The following WAC variants were observed in gnomAD, a reference collection of about 807,000 sequenced individuals.
The protein encoded by WAC is WW domain-containing adapter protein with coiled-coil.
A neutral mutation model predicts 79.6 loss-of-function variants in WAC; 11 were observed. The ratio of observed to expected loss-of-function variants is 0.14; its 90% confidence interval spans 0.09 to 0.23. WAC has a LOEUF of 0.23. Among genes scored for constraint, WAC ranks in the 10% least tolerant of loss-of-function variants. The pLI is 1.00. For missense variants in WAC, 728 were observed against 773.5 expected, an observed-to-expected ratio of 0.94 and a Z score of 0.70; for synonymous variants, 304 against 276.9, an observed-to-expected ratio of 1.10 and a Z score of -0.97.
chr10:28,538,831 T>A (rs1388734501), intron 3 of WAC, among the ~76,000 whole-genome samples: 1 of 143,406 alleles, frequency 7.0e-6, no homozygotes, highest in Non-Finnish European at 1.5e-5. Flanking sequence ...GCCACCACAC[T>A]CTAACCTGGG....
At chr10:28,555,455 T>G (rs561211866) in intron 3 of WAC, among the ~76,000 whole-genome samples, 1 of 152,044 alleles carries the variant, frequency 6.6e-6, no homozygotes, top group African/African-American at 2.4e-5. Context: ...TTTCTGGGAC[T>G]ATTGCAGTAG....
intron 3 of WAC, among the ~76,000 whole-genome samples, chr10:28,547,834 T>C (rs1435356957): frequency 6.6e-6 from 1 of 151,882 alleles, no homozygotes; most frequent in Non-Finnish European, 1.5e-5. Context: ...AATCTCACTT[T>C]GTAAGTGTAG....
intron 3 of WAC, among the ~76,000 whole-genome samples, chr10:28,570,033 AT>A: frequency 6.6e-6 from 1 of 152,328 alleles, no homozygotes; most frequent in East Asian, 1.9e-4. Context: ...GAGTTTTAGA[AT>A]AAATACTGCT....
intron 7 of WAC, among the ~76,000 whole-genome samples, chr10:28,598,974 A>G (rs1461908522): frequency 6.6e-6 from 1 of 152,214 alleles, no homozygotes; most frequent in Non-Finnish European, 1.5e-5. Flanking sequence ...AGACTGTTAC[A>G]TCCTTAGATA....
intron 7 of WAC, among the ~76,000 whole-genome samples, chr10:28,601,328 C>CATTAGGG (rs1405569725): frequency 6.6e-6 from 1 of 152,052 alleles, no homozygotes; most frequent in Non-Finnish European, 1.5e-5. Context: ...CCTCCTTAGT[C>CATTAGGG]ATTAGGGAAA....
Position 28,620,367 on chromosome 10 carries a change from C to G in WAC, c.*761C>G, listed in dbSNP as rs1190243370. 2.2e-5 allele frequency: 1 copy of G among 45,330 alleles called. No homozygotes were observed. Among genetic ancestry groups the G allele is most frequent in the Non-Finnish European group, 4.1e-5 (1 of 24,612 alleles). The allele number at this position is 45,330 out of a possible 1,614,324, so 2.8% of individuals were successfully genotyped here. On this transcript the variant is annotated 3_prime_UTR_variant, in exon 14 of 14. Coordinates refer to ENST00000354911, the MANE Select transcript of WAC (RefSeq NM_016628.5). ...ATAAATTATTGAAATCCATTTGCACCCTGTTAAGAATGGACTTAAAAGTAC... is the reference window on the plus strand; with the variant it reads ...ATAAATTATTGAAATCCATTTGCACGCTGTTAAGAATGGACTTAAAAGTAC...
intron 13 of WAC, 26 bp from the exon 14 acceptor site, chr10:28,619,511 T>C: frequency 6.5e-7 from 1 of 1,544,680 alleles, no homozygotes; most frequent in South Asian, 1.2e-5. Context: ...TGTACACAGG[T>C]TCTAATGTCT....
Position 28,614,129 on chromosome 10 carries a change from G to A in WAC, c.1438-438G>A, listed in dbSNP as rs572850442. On this transcript the variant is annotated intron_variant, in intron 10 of 13. Coordinates refer to ENST00000354911, the MANE Select transcript of WAC (RefSeq NM_016628.5). ...TAGTTACTTTTTTTTTTTTTGAGAC[G>A]GAGTCTCGTTCTGTCGCCCAGGCGG... Among the ~76,000 whole-genome samples, 13 of 151,100 alleles carry A rather than the reference G, an allele frequency of 8.6e-5. No individual in the cohort carries two copies. In the South Asian group the frequency reaches 1.3e-3, roughly 15 times the overall value.
In WAC at chr10:28,581,284, A is replaced by G. The variant is rs904178403; in HGVS notation, c.275-2115A>G. Among the ~76,000 whole-genome samples, 4 of 113,252 alleles carry G rather than the reference A, an allele frequency of 3.5e-5. No individual in the cohort carries two copies. The East Asian group carries it at 7.3e-4, about 21-fold the overall frequency. 74.3% of individuals were successfully genotyped at this position (113,252 alleles called of 152,430 possible). A position where few individuals can be genotyped will look rare whatever the true frequency, so the allele number is the denominator to read the frequency against. On this transcript the variant is annotated intron_variant, in intron 3 of 13. Transcript: ENST00000354911. Reference sequence around the variant, plus strand: ...TTTTTTTTTTTTAAGACGGGTTCTCATTATATCACCCAGGCTGGTCTCGAA... The same window carrying G: ...TTTTTTTTTTTTAAGACGGGTTCTCGTTATATCACCCAGGCTGGTCTCGAA...
At chr10:28,556,576 G>A (rs1446083218) in intron 3 of WAC, among the ~76,000 whole-genome samples, 2 of 151,082 alleles carry the variant, frequency 1.3e-5, no homozygotes, top group South Asian at 2.1e-4. Context: ...ATAGTCACAC[G>A]TATTTTTGCT....
chr10:28,614,256 C>A (rs1841378134), intron 10 of WAC, among the ~76,000 whole-genome samples: 1 of 152,068 alleles, frequency 6.6e-6, no homozygotes, highest in Non-Finnish European at 1.5e-5. Flanking sequence ...CAGGCGCCCG[C>A]CACTGCGCCC....
At chr10:28,557,336 G>T (rs1244206357) in intron 3 of WAC, among the ~76,000 whole-genome samples, 3 of 152,148 alleles carry the variant, frequency 2.0e-5, no homozygotes, top group Non-Finnish European at 4.4e-5. Flanking sequence ...ATATTATACA[G>T]TGTCATTAGC....
intron 3 of WAC, among the ~76,000 whole-genome samples, chr10:28,567,922 A>T (rs940269006): frequency 6.6e-6 from 1 of 152,084 alleles, no homozygotes; most frequent in African/African-American, 2.4e-5. Flanking sequence ...ACCGTTGTAG[A>T]GATGGGGGTC....
chr10:28,595,700 C>G lies in WAC; in HGVS notation c.611-33C>G, dbSNP rs182876849. 1.6e-4 allele frequency: 254 copies of G among 1,593,058 alleles called. 2 individuals are homozygous for G. The East Asian group carries it at 5.4e-3, about 34-fold the overall frequency. The stretch of plus-strand genomic sequence containing the variant: ...CTTTTTTCTTCCCCCTTCTGTCATT[C>G]CAACATCTGTTTTTTCGAACTGTGA... On this transcript the variant is annotated intron_variant, in intron 6 of 13. Transcript: ENST00000354911.
intron 3 of WAC, among the ~76,000 whole-genome samples, chr10:28,547,828 T>G (rs1837437600): frequency 6.6e-6 from 1 of 151,918 alleles, no homozygotes; most frequent in African/African-American, 2.4e-5. Context: ...TTCACAAATC[T>G]CACTTTGTAA....
At chr10:28,614,873 G>A (rs998796212) in intron 11 of WAC, 188 bp downstream of exon 11, 10 of 423,700 alleles carry the variant, frequency 2.4e-5, no homozygotes, top group Non-Finnish European at 4.2e-5. Context: ...GTCTCTAGTA[G>A]TGAAGCCCGG....
intron 6 of WAC, among the ~76,000 whole-genome samples, chr10:28,592,527 A>G (rs574117585): frequency 1.3e-5 from 2 of 152,294 alleles, no homozygotes; most frequent in South Asian, 4.1e-4. Flanking sequence ...AGGCTGAGAC[A>G]GGATAATCGC....
At chr10:28,589,896 TTCTACTGGTTAACA>T in intron 5 of WAC, 45 bp downstream of exon 5, 1 of 1,392,918 alleles carries the variant, frequency 7.2e-7, no homozygotes, top group Non-Finnish European at 1.0e-6. Flanking sequence ...TCTAGCTTGG[TTCTACTGGTTAACA>T]TCTTACAGCA....
intron 6 of WAC, among the ~76,000 whole-genome samples, chr10:28,594,400 T>A (rs868794126): frequency 1.8e-4 from 28 of 152,234 alleles, no homozygotes; most frequent in African/African-American, 6.3e-4. Context: ...TAAAACTTTT[T>A]AAATTTTATG....
Sources: gnomAD v4.1 joint callset for allele counts (sites outside exome capture counted in the v4.1 genomes callset) on GRCh38, gnomAD v4.1.1 for gene constraint, MANE v1.5 for transcripts, NCBI Gene and HGNC (gene_info 2026-07-23, HGNC 2026-07-21) for gene names.